The following OSCP1 variants were observed in gnomAD, a reference collection of about 807,000 sequenced individuals.
OSCP1 encodes organic solute carrier partner 1, also known as protein OSCP1.
OSCP1 carries 35 observed loss-of-function variants against 45.1 expected under a neutral mutation model. The ratio of observed to expected loss-of-function variants is 0.78; its 90% CI spans 0.59 to 1.03. The LOEUF is 1.03. Ranked by LOEUF, OSCP1 falls within the 50% of genes least tolerant of loss-of-function variation. The pLI, the probability that OSCP1 is intolerant of heterozygous loss-of-function variation, is 0.00. For missense variants in OSCP1, 400 were observed against 470.7 expected, an observed-to-expected ratio of 0.85 and a Z score of 1.39; for synonymous variants, 179 against 180.1, an observed-to-expected ratio of 0.99 and a Z score of 0.05.
intron 4 of OSCP1, among the ~76,000 whole-genome samples, chr1:36,428,080 C>T (rs1480340302): frequency 8.6e-5 from 13 of 150,430 alleles, no homozygotes; most frequent in African/African-American, 3.2e-4. Flanking sequence ...ATCCCAGCTA[C>T]TCGGGAGGCT....
Position 36,447,728 on chromosome 1 carries a change from A to G in OSCP1, c.112+2530T>C, listed in dbSNP as rs567127896. ...GTGTTTAAGAGGAGCCCTTGGTACA[A>G]AGTAAGTGCTTGATTTTTCATTGTT... On this transcript the variant is annotated intron_variant, in intron 1 of 9. Transcript: ENST00000235532. The surrounding 1 kb of genome is among the most constrained non-coding windows in gnomAD (Gnocchi z 4.1). 1 of 254,608 alleles carries G rather than the reference A, an allele frequency of 3.9e-6. No homozygotes were observed. 15.8% of individuals were successfully genotyped at this position (254,608 alleles called of 1,614,324 possible).
chr1:36,441,187 C>T (rs954318447), intron 1 of OSCP1, among the ~76,000 whole-genome samples: 4 of 152,138 alleles, frequency 2.6e-5, no homozygotes, highest in African/African-American at 9.7e-5. Context: ...TACAAATGCC[C>T]CCAAAGAGGA....
At chr1:36,430,955 G>A (rs563836103) in intron 4 of OSCP1, among the ~76,000 whole-genome samples, 7 of 152,154 alleles carry the variant, frequency 4.6e-5, no homozygotes, top group African/African-American at 9.7e-5. Flanking sequence ...GCGCTCCGCC[G>A]ACTCTATGGG....
Position 36,422,749 on chromosome 1 carries a change from C to T in OSCP1, c.749+19G>A. 6.5e-7 allele frequency: 1 copy of T among 1,537,372 alleles called. No individual in the cohort carries two copies. The highest frequency in any genetic ancestry group is 8.8e-7 in the Non-Finnish European group (1 of 1,137,022). On this transcript the variant is annotated intron_variant, in intron 6 of 9. Transcript: ENST00000235532. ...GACCTCCCTTGGACTTGAATTCACT[C>T]AGAGAAGAATTTGCTTACATGTTAG...
chr1:36,437,761 C>T (rs1047799783), intron 2 of OSCP1, among the ~76,000 whole-genome samples: 2 of 152,122 alleles, frequency 1.3e-5, no homozygotes, highest in African/African-American at 2.4e-5. Context: ...TCAAGTGATC[C>T]GCCTGTCTCG....
rs1647734033 is a variant in OSCP1 at position 36,422,791 on chromosome 1, T to A, written c.726A>T (p.Arg242=). The change falls in exon 6 of 10, where the codon CGA becomes CGT. Residue 242 remains arginine, a synonymous_variant. Transcript: ENST00000235532. ...KEGSFELYGD[R]VLKLGTNMYS... ...ACATGTTAGTTCCCAGTTTCAGGAC[T>A]CGGTCTCCATAAAGTTCAAAAGAAC... The A allele has an allele frequency of 1.9e-6, 3 of 1,595,076 alleles. No homozygotes were observed. The East Asian group carries it at 6.8e-5, about 36-fold the overall frequency.
intron 7 of OSCP1, 21 bp from the exon 8 acceptor site, chr1:36,420,636 T>C (rs1336598889): frequency 1.2e-6 from 2 of 1,611,850 alleles, no homozygotes; most frequent in East Asian, 2.2e-5. Flanking sequence ...AGTTGCATGA[T>C]TTTTAGCCAC....
At chr1:36,437,380 T>A (rs543826855) in intron 2 of OSCP1, among the ~76,000 whole-genome samples, 2 of 152,282 alleles carry the variant, frequency 1.3e-5, no homozygotes, top group South Asian at 2.1e-4. Context: ...GAAATAGATA[T>A]GTTCACATTA....
At chr1:36,445,043 C>T (rs770636193) in intron 1 of OSCP1, among the ~76,000 whole-genome samples, 2 of 152,102 alleles carry the variant, frequency 1.3e-5, no homozygotes, top group Non-Finnish European at 2.9e-5. Flanking sequence ...AAGTTCTATA[C>T]ACATCTGTAT....
At chr1:36,421,363 G>A (rs191483674) in intron 7 of OSCP1, among the ~76,000 whole-genome samples, 13 of 152,130 alleles carry the variant, frequency 8.5e-5, no homozygotes, top group African/African-American at 2.9e-4. Flanking sequence ...TGTCACCTTG[G>A]TCCGTGTGCC....
At chr1:36,421,080 C>G (rs1009596746) in intron 7 of OSCP1, among the ~76,000 whole-genome samples, 5 of 152,146 alleles carry the variant, frequency 3.3e-5, no homozygotes, top group Non-Finnish European at 7.3e-5. Context: ...ACCCCTCTTC[C>G]TTGTAGCCTG....
At chr1:36,435,902 G>C (rs1222785356) in intron 2 of OSCP1, among the ~76,000 whole-genome samples, 1 of 151,952 alleles carries the variant, frequency 6.6e-6, no homozygotes, top group Non-Finnish European at 1.5e-5. Context: ...AAAGTCCTGG[G>C]ATTACAGGCA....
chr1:36,443,853 T>C lies in OSCP1; in HGVS notation c.113-4943A>G, dbSNP rs1649344894. 4 of 827,226 alleles carry C rather than the reference T, an allele frequency of 4.8e-6. No homozygotes were observed. The Admixed American group carries it at 6.9e-5, about 14-fold the overall frequency. 51.2% of individuals were successfully genotyped at this position (827,226 alleles called of 1,614,324 possible). On this transcript the variant is annotated intron_variant, in intron 1 of 9. Coordinates refer to ENST00000235532, the MANE Select transcript of OSCP1 (RefSeq NM_145047.5). ...CTCTTAAGTAAAAGATTCAAATGTA[T>C]AACCAATATCTCAGCTAAAGACAAA...
chr1:36,432,686 A>G lies in OSCP1; in HGVS notation c.268-97T>C, dbSNP rs1648454172. ...TTCAGTCAAGCATTTACTGAAAACC[A>G]ACTCTGGGCTTGCCATACAGCTCGG... On this transcript the variant is annotated intron_variant, in intron 2 of 9. Coordinates refer to ENST00000235532, the MANE Select transcript of OSCP1 (RefSeq NM_145047.5). 7 of 1,450,920 alleles carry G rather than the reference A, an allele frequency of 4.8e-6. No homozygotes were observed. The South Asian group carries it at 5.8e-5, about 12-fold the overall frequency. The allele number at this position is 1,450,920 out of a possible 1,614,324, so 89.9% of individuals were successfully genotyped here. A position where few individuals can be genotyped will look rare whatever the true frequency, so the allele number is the denominator to read the frequency against.
chr1:36,450,213 G>A, intron 1 of OSCP1, 45 bp downstream of exon 1: 1 of 1,511,964 alleles, frequency 6.6e-7, no homozygotes. Flanking sequence ...GAGAGGGCCG[G>A]GCTGCTGGCT....
At chr1:36,438,485 A>G (rs1390815647) in intron 2 of OSCP1, among the ~76,000 whole-genome samples, 1 of 152,080 alleles carries the variant, frequency 6.6e-6, no homozygotes, top group Non-Finnish European at 1.5e-5. Context: ...GTGAGACCCC[A>G]TTTCAAAAAC....
intron 1 of OSCP1, among the ~76,000 whole-genome samples, chr1:36,442,312 T>C (rs1466981529): frequency 6.7e-6 from 1 of 148,280 alleles, no homozygotes; most frequent in Non-Finnish European, 1.5e-5. Context: ...GTTCTCAACA[T>C]AGCAAGCTTC....
intron 9 of OSCP1, among the ~76,000 whole-genome samples, 194 bp downstream of exon 9, chr1:36,418,797 G>A (rs904946574): frequency 2.0e-5 from 3 of 151,910 alleles, no homozygotes; most frequent in African/African-American, 4.8e-5. Context: ...GCATATTGGC[G>A]GGCACCTGTA....
Position 36,419,016 on chromosome 1 carries a change from T to G in OSCP1, c.998A>C (p.Glu333Ala). 1 of 1,612,362 alleles carries G rather than the reference T, an allele frequency of 6.2e-7. No individual in the cohort carries two copies. The highest frequency in any genetic ancestry group is 8.5e-7 in the Non-Finnish European group (1 of 1,178,412). The change falls in exon 9 of 10, where the codon GAA (glutamate) becomes GCA (alanine). Residue 333 changes from glutamate to alanine, a missense_variant. Coordinates refer to ENST00000235532, the MANE Select transcript of OSCP1 (RefSeq NM_145047.5). ...ALTRPEELSY[E>A]VINIQATQDQ... The stretch of plus-strand genomic sequence containing the variant: ...CTGGGTGGCTTGTATGTTGATAACT[T>G]CATAGGATAACTCTTCTGGCCTGGT...
Sources: gnomAD v4.1 joint callset for allele counts (sites outside exome capture counted in the v4.1 genomes callset) on GRCh38, gnomAD v4.1.1 for gene constraint, Gnocchi (gnomAD v3.1) non-coding constraint, MANE v1.5 for transcripts, NCBI Gene and HGNC (gene_info 2026-07-23, HGNC 2026-07-21) for gene names.